Variants in USP37 observed in about 807,000 individuals in gnomAD.
USP37 encodes the protein ubiquitin specific peptidase 37, also known as ubiquitin carboxyl-terminal hydrolase 37.
Under a neutral mutation model 124.0 loss-of-function variants are expected in USP37, and 27 were observed. The ratio of observed to expected loss-of-function variants is 0.22; its 90% CI spans 0.16 to 0.30. USP37 has a LOEUF of 0.30. Among genes scored for constraint, USP37 ranks in the 10% least tolerant of loss-of-function variants. The probability of loss-of-function intolerance (pLI) is 1.00; values close to 1 mark genes in which losing one functional copy is unlikely to be tolerated. For synonymous variants in USP37, 365 were observed against 388.0 expected, an observed-to-expected ratio of 0.94 and a Z score of 0.70; for missense variants, 889 against 1,140.4, an observed-to-expected ratio of 0.78 and a Z score of 3.17.
In USP37 at chr2:218,495,373, C is replaced by T. The variant is rs145636756; in HGVS notation, c.1472+387G>A. ...CCCAGGCTGGTCTTGAACTCCTGGG[C>T]TCAAACCATCTGCCCACCTCATCCT... On this transcript the variant is annotated intron_variant, in intron 14 of 25. Transcript: ENST00000258399. 7.2e-5 allele frequency among the ~76,000 whole-genome samples: 11 copies of T among 152,270 alleles called. No homozygotes were observed. The East Asian group carries it at 1.7e-3, about 24-fold the overall frequency.
At chr2:218,525,730 C>T (rs1183725488) in intron 10 of USP37, among the ~76,000 whole-genome samples, 2 of 152,040 alleles carry the variant, frequency 1.3e-5, no homozygotes, top group Non-Finnish European at 2.9e-5. Context: ...GGTACATGTA[C>T]AGTTTTGCTG....
At chr2:218,559,479 A>G (rs907700899) in intron 3 of USP37, among the ~76,000 whole-genome samples, 1 of 152,222 alleles carries the variant, frequency 6.6e-6, no homozygotes, top group African/African-American at 2.4e-5. Flanking sequence ...TTTAAAAATA[A>G]CCAAGTTATT....
chr2:218,553,678 T>C lies in USP37; in HGVS notation c.203A>G (p.Lys68Arg). 6.2e-7 allele frequency: 1 copy of C among 1,613,890 alleles called. No homozygotes were observed. The highest frequency in any genetic ancestry group is 8.5e-7 in the Non-Finnish European group (1 of 1,179,864). The change falls in exon 5 of 26, where the codon AAA becomes AGA. Residue 68 changes from lysine (K) to arginine (R), a missense_variant. Lys to Arg is a conservative substitution (Grantham distance 26). Around this residue, in one of 3 missense-constraint regions of USP37, gnomAD observed 374 missense variants for 386.0 expected, o/e 0.97. Transcript: ENST00000258399. ...CAGAGTTAACATTAGGCGGCTTTGT[T>C]TCGCTCCACTGGGTCGAAGCACCAC... is the stretch of plus-strand genomic sequence containing the variant. ...KNVVLRPSGA[K>R]QSRLMLTLQD...
intron 10 of USP37, among the ~76,000 whole-genome samples, chr2:218,526,891 C>A (rs1691002889): frequency 7.0e-6 from 1 of 141,992 alleles, no homozygotes; most frequent in South Asian, 2.3e-4. Flanking sequence ...CGGGTTCACG[C>A]CATTCACCCG....
intron 8 of USP37, among the ~76,000 whole-genome samples, chr2:218,541,450 C>T (rs1198613359): frequency 6.6e-6 from 1 of 152,096 alleles, no homozygotes; most frequent in Admixed American, 6.5e-5. Flanking sequence ...CAGTGATAAG[C>T]ATAGCTCTCA....
At chr2:218,551,102 T>G (rs1692643783) in intron 5 of USP37, among the ~76,000 whole-genome samples, 1 of 152,236 alleles carries the variant, frequency 6.6e-6, no homozygotes, top group African/African-American at 2.4e-5. Context: ...AGGATCCAAG[T>G]GTATTAACTT....
chr2:218,480,975 ATGACTT>A (rs1691244993), intron 17 of USP37, among the ~76,000 whole-genome samples: 1 of 152,228 alleles, frequency 6.6e-6, no homozygotes, highest in Admixed American at 6.5e-5. Context: ...CACTAACTGT[ATGACTT>A]TAGGAAAATC....
intron 17 of USP37, among the ~76,000 whole-genome samples, chr2:218,480,088 G>GTT (rs1178743989): frequency 6.6e-6 from 1 of 151,572 alleles, no homozygotes; most frequent in Non-Finnish European, 1.5e-5. Context: ...GGAGGTTGTA[G>GTT]TAAGTGGTGA....
intron 1 of USP37, among the ~76,000 whole-genome samples, chr2:218,567,880 C>G (rs1307098739): frequency 1.3e-5 from 2 of 152,164 alleles, no homozygotes; most frequent in Admixed American, 6.5e-5. Flanking sequence ...CCTGAAGAGA[C>G]AGCAGGCCCT....
At chr2:218,492,999 T>C (rs938541390) in intron 14 of USP37, among the ~76,000 whole-genome samples, 2 of 151,450 alleles carry the variant, frequency 1.3e-5, no homozygotes, top group African/African-American at 2.4e-5. Flanking sequence ...AGAGCAAGAC[T>C]CTGTCTTAAA....
rs1184948897 is a variant in USP37, at chr2:218,459,916, C to G, written c.2528-11G>C. ...AGGAGTTGTTAAACTCTGAAGAATA[C>G]AAAGACAAAATCTTATAAAAGTTCT... On this transcript the variant is annotated splice_polypyrimidine_tract_variant and intron_variant, in intron 22 of 25. Coordinates refer to ENST00000258399, the MANE Select transcript of USP37 (RefSeq NM_020935.3). 2 of 1,602,660 alleles carry G rather than the reference C, an allele frequency of 1.2e-6. No homozygotes were observed. The highest frequency in any genetic ancestry group is 1.3e-5 in the African/African-American group (1 of 74,480).
chr2:218,496,254 T>C (rs1051823692), intron 13 of USP37, among the ~76,000 whole-genome samples: 1 of 151,698 alleles, frequency 6.6e-6, no homozygotes, highest in African/African-American at 2.4e-5. Flanking sequence ...GATCGCACCA[T>C]TATATTCCAG....
intron 11 of USP37, among the ~76,000 whole-genome samples, chr2:218,501,569 C>T (rs898461990): frequency 6.6e-6 from 1 of 152,100 alleles, no homozygotes; most frequent in African/African-American, 2.4e-5. Flanking sequence ...AAACAGTGAT[C>T]CATAAGAGAA....
intron 11 of USP37, among the ~76,000 whole-genome samples, chr2:218,501,580 G>A (rs980170609): frequency 2.6e-5 from 4 of 152,128 alleles, no homozygotes; most frequent in Non-Finnish European, 4.4e-5. Context: ...CATAAGAGAA[G>A]GAAAATAAAT....
At chr2:218,512,970 A>T (rs1690082225) in intron 10 of USP37, among the ~76,000 whole-genome samples, 3 of 152,010 alleles carry the variant, frequency 2.0e-5, no homozygotes, top group Non-Finnish European at 2.9e-5. Context: ...TTATTTCTTG[A>T]ATTTTATGAT....
chr2:218,518,033 G>C lies in USP37; in HGVS notation c.864-7893C>G, dbSNP rs183935939. 1.9e-3 allele frequency among the ~76,000 whole-genome samples: 288 copies of C among 151,776 alleles called. 2 individuals carry two copies. Among genetic ancestry groups the C allele is most frequent in the Admixed American group, 0.011 (166 of 15,192 alleles). On this transcript the variant is annotated intron_variant, in intron 10 of 25. Transcript: ENST00000258399. The stretch of plus-strand genomic sequence containing the variant: ...TGCAGTGACATAATCACAGCTCATT[G>C]CAGTTTTGACCTCCTGGGCTTGAGC...
chr2:218,516,953 C>T (rs1252006099), intron 10 of USP37, among the ~76,000 whole-genome samples: 1 of 152,190 alleles, frequency 6.6e-6, no homozygotes, highest in East Asian at 1.9e-4. Flanking sequence ...TAGCTTTCTT[C>T]CTTTCCTTAT....
chr2:218,474,295 C>G (rs1406362170), intron 20 of USP37, among the ~76,000 whole-genome samples: 1 of 152,088 alleles, frequency 6.6e-6, no homozygotes, highest in African/African-American at 2.4e-5. Context: ...TCTCATTTTT[C>G]AAAGCTTTTT....
chr2:218,474,481 C>G, intron 20 of USP37, 149 bp downstream of exon 20: 1 of 1,172,788 alleles, frequency 8.5e-7, no homozygotes, highest in Middle Eastern at 2.7e-4. Context: ...CCTGCCTCAG[C>G]CTCCCGAGTA....
Sources: allele counts gnomAD v4.1 joint callset (sites outside exome capture counted in the v4.1 genomes callset), GRCh38; gene constraint gnomAD v4.1.1; regional missense constraint gnomAD v4.1.1; transcripts MANE v1.5; gene names NCBI Gene and HGNC (gene_info 2026-07-23, HGNC 2026-07-21).